The following SYNDIG1 variants were observed in gnomAD, a reference collection of about 807,000 sequenced individuals.
The protein encoded by SYNDIG1 is synapse differentiation inducing 1, also known as synapse differentiation-inducing gene protein 1.
A neutral mutation model predicts 19.4 loss-of-function variants in SYNDIG1; 9 were observed. The ratio of observed to expected loss-of-function variants is 0.46; its 90% CI spans 0.28 to 0.81. The LOEUF is 0.81. SYNDIG1 is among the 30% of genes least tolerant of loss of function. The pLI, the probability that SYNDIG1 is intolerant of heterozygous loss-of-function variation, is 0.12. For synonymous variants in SYNDIG1, 141 were observed against 145.9 expected, an observed-to-expected ratio of 0.97 and a Z score of 0.24; for missense variants, 311 against 343.3, an observed-to-expected ratio of 0.91 and a Z score of 0.74.
intron 3 of SYNDIG1, among the ~76,000 whole-genome samples, chr20:24,589,992 C>T (rs1267035185): frequency 7.9e-5 from 12 of 152,218 alleles, no homozygotes; most frequent in Admixed American, 4.6e-4. Flanking sequence ...AACCAAATCC[C>T]GCTTGTCAGA....
At position 24,505,016 on chromosome 20, in the gene SYNDIG1, T is replaced by C. The variant is rs966814944; in HGVS notation, c.-79+35263T>C. 3.0e-4 allele frequency among the ~76,000 whole-genome samples: 45 copies of C among 152,178 alleles called. 1 individual carries two copies. Among genetic ancestry groups the C allele is most frequent in the African/African-American group, 1.1e-3 (44 of 41,522 alleles). On this transcript the variant is annotated intron_variant, in intron 1 of 3. Coordinates refer to ENST00000376862, the MANE Select transcript of SYNDIG1 (RefSeq NM_024893.3). ...GGACTTGTTGATGCTTTGATTTTCA[T>C]GGAGGAGGTGGTGAACAGATCCCAG...
At chr20:24,486,586 C>G (rs1001949337) in intron 1 of SYNDIG1, among the ~76,000 whole-genome samples, 1 of 152,118 alleles carries the variant, frequency 6.6e-6, no homozygotes, top group Admixed American at 6.6e-5. Context: ...GAGCTCTGGT[C>G]CAGTGGGTCG....
At chr20:24,590,304 G>A (rs1414670743) in intron 3 of SYNDIG1, among the ~76,000 whole-genome samples, 1 of 152,030 alleles carries the variant, frequency 6.6e-6, no homozygotes, top group Non-Finnish European at 1.5e-5. Context: ...CCGCGGGTGT[G>A]GAGTGGGGAA....
chr20:24,657,277 C>T (rs773679815), intron 3 of SYNDIG1, among the ~76,000 whole-genome samples: 7 of 152,180 alleles, frequency 4.6e-5, no homozygotes, highest in African/African-American at 1.2e-4. Context: ...CCGCAGTTCC[C>T]GTGTATGTTT....
intron 2 of SYNDIG1, among the ~76,000 whole-genome samples, chr20:24,569,437 C>T (rs1295043736): frequency 6.6e-6 from 1 of 152,178 alleles, no homozygotes; most frequent in African/African-American, 2.4e-5. Context: ...GAGAGAGCAT[C>T]AGAGACCTGG....
intron 1 of SYNDIG1, among the ~76,000 whole-genome samples, chr20:24,500,511 TTTCTTTCTTTCTTTCTTTC>T (rs1486500325): frequency 4.1e-5 from 5 of 123,036 alleles, no homozygotes; most frequent in Admixed American, 8.0e-5. Context: ...TCTTTCTTTC[TTTCTTTCTTTCTTTCTTTC>T]TTCTTTCTTT....
chr20:24,484,634 G>A (rs1002508920), intron 1 of SYNDIG1, among the ~76,000 whole-genome samples: 1 of 152,142 alleles, frequency 6.6e-6, no homozygotes, highest in Non-Finnish European at 1.5e-5. Flanking sequence ...AAGTAGTGTT[G>A]TGTCCACCTT....
intron 2 of SYNDIG1, among the ~76,000 whole-genome samples, chr20:24,576,930 A>T (rs907364445): frequency 7.2e-5 from 11 of 152,144 alleles, no homozygotes; most frequent in Admixed American, 6.5e-4. Flanking sequence ...CTCAGCAGAC[A>T]AGCTTTTTAA....
intron 1 of SYNDIG1, among the ~76,000 whole-genome samples, chr20:24,528,410 C>T (rs1250077431): frequency 6.6e-6 from 1 of 152,182 alleles, no homozygotes; most frequent in African/African-American, 2.4e-5. Flanking sequence ...CAACAAAATA[C>T]CACACAGTGT....
chr20:24,512,626 A>T (rs1335138797), intron 1 of SYNDIG1, among the ~76,000 whole-genome samples: 2 of 152,138 alleles, frequency 1.3e-5, no homozygotes, highest in Non-Finnish European at 2.9e-5. Flanking sequence ...TTGAGTAGGT[A>T]AACAAAGCTG....
chr20:24,581,055 G>A (rs1025271914), intron 2 of SYNDIG1, among the ~76,000 whole-genome samples: 1 of 152,156 alleles, frequency 6.6e-6, no homozygotes, highest in Admixed American at 6.5e-5. Context: ...CTGGCAGGGA[G>A]AGGGGAGGAA....
At chr20:24,665,320 T>A in intron 3 of SYNDIG1, 26 bp from the exon 4 acceptor site, 1 of 1,580,158 alleles carries the variant, frequency 6.3e-7, no homozygotes, top group Non-Finnish European at 8.6e-7. Flanking sequence ...TTACAATGAC[T>A]TCCTTTTTCT....
Position 24,665,367 on chromosome 20 carries a change from G to A in SYNDIG1, c.640G>A (p.Gly214Arg). Reference protein sequence around the residue: ...SHETNKAVAKGDLHQASTSSR... With the variant: ...SHETNKAVAKRDLHQASTSSR... ...GCAGACCAACAAAGCCGTGGCCAAG[G>A]GGGACTTGCACCAGGCCAGCACCAG... The change falls in exon 4 of 4, where the codon GGG becomes AGG. Residue 214 changes from glycine (G) to arginine (R), a missense_variant. Gly to Arg is a moderately radical substitution (Grantham distance 125). Coordinates refer to ENST00000376862, the MANE Select transcript of SYNDIG1 (RefSeq NM_024893.3). 4.4e-6 allele frequency: 7 copies of A among 1,602,280 alleles called. No individual in the cohort carries two copies. Among genetic ancestry groups the A allele is most frequent in the East Asian group, 2.2e-5 (1 of 44,500 alleles).
intron 3 of SYNDIG1, among the ~76,000 whole-genome samples, chr20:24,595,245 C>T (rs1260865079): frequency 1.3e-5 from 2 of 152,054 alleles, no homozygotes; most frequent in East Asian, 1.9e-4. Context: ...TATCAAAAGC[C>T]TTTTCTGCAT....
At chr20:24,527,868 A>G (rs1015567444) in intron 1 of SYNDIG1, among the ~76,000 whole-genome samples, 1 of 152,202 alleles carries the variant, frequency 6.6e-6, no homozygotes, top group Non-Finnish European at 1.5e-5. Context: ...GGGGCTTAAC[A>G]TGCCCTTCAG....
intron 3 of SYNDIG1, among the ~76,000 whole-genome samples, chr20:24,654,650 G>GAGGAAAGGA (rs2059505450): frequency 8.5e-6 from 1 of 117,352 alleles, no homozygotes; most frequent in Non-Finnish European, 1.7e-5. Flanking sequence ...GGGAGGGAGG[G>GAGGAAAGGA]AGGAAGGAAG....
intron 3 of SYNDIG1, among the ~76,000 whole-genome samples, chr20:24,597,438 G>A (rs767391748): frequency 6.1e-4 from 93 of 151,972 alleles, no homozygotes; most frequent in Non-Finnish European, 8.7e-4. Context: ...CACTTTTTTC[G>A]TTGTTCTGGA....
At chr20:24,659,377 C>T (rs1436331191) in intron 3 of SYNDIG1, among the ~76,000 whole-genome samples, 3 of 152,200 alleles carry the variant, frequency 2.0e-5, no homozygotes, top group East Asian at 1.9e-4. Flanking sequence ...GAAAGTCTGC[C>T]GTCCTCATCA....
At chr20:24,625,372 A>C (rs1600775942) in intron 3 of SYNDIG1, among the ~76,000 whole-genome samples, 1 of 149,082 alleles carries the variant, frequency 6.7e-6, no homozygotes, top group East Asian at 2.0e-4. Context: ...CATCACTCCA[A>C]ATGCCTGGGA....
Sources: gnomAD v4.1 joint callset for allele counts (sites outside exome capture counted in the v4.1 genomes callset) on GRCh38, gnomAD v4.1.1 for gene constraint, MANE v1.5 for transcripts, NCBI Gene and HGNC (gene_info 2026-07-23, HGNC 2026-07-21) for gene names.